The following IMMP2L variants were observed in gnomAD, a reference collection of about 807,000 sequenced individuals.
IMMP2L encodes the protein inner mitochondrial membrane peptidase subunit 2.
IMMP2L carries 18 observed loss-of-function variants against 19.3 expected under a neutral mutation model. The observed-to-expected ratio is 0.93, with a 90% CI of 0.64 to 1.38. IMMP2L has a LOEUF of 1.38. Ranked by LOEUF, IMMP2L falls within the 40% of genes most tolerant of loss-of-function variation. IMMP2L has a pLI of 0.00. For missense variants in IMMP2L, 233 were observed against 218.2 expected, an observed-to-expected ratio of 1.07 and a Z score of -0.43; for synonymous variants, 76 against 73.0, an observed-to-expected ratio of 1.04 and a Z score of -0.21.
chr7:110,816,482 C>A (rs1438830143), intron 5 of IMMP2L, among the ~76,000 whole-genome samples: 1 of 151,748 alleles, frequency 6.6e-6, no homozygotes, highest in Non-Finnish European at 1.5e-5. Flanking sequence ...TCTATTAGGT[C>A]TGCTTGGTGC....
At chr7:111,178,161 A>G (rs1276616103) in intron 3 of IMMP2L, among the ~76,000 whole-genome samples, 1 of 152,072 alleles carries the variant, frequency 6.6e-6, no homozygotes, top group East Asian at 1.9e-4. Context: ...CAATAAAATT[A>G]ATACAGCAAT....
At chr7:111,006,067 G>A (rs1467445353) in intron 3 of IMMP2L, among the ~76,000 whole-genome samples, 2 of 152,118 alleles carry the variant, frequency 1.3e-5, no homozygotes, top group African/African-American at 4.8e-5. Context: ...GGGCTCATCT[G>A]AGTCTGAGCC....
chr7:110,668,766 A>T (rs928715547), intron 5 of IMMP2L, among the ~76,000 whole-genome samples: 17 of 151,064 alleles, frequency 1.1e-4, no homozygotes, highest in Admixed American at 4.0e-4. Flanking sequence ...GGGAATGCAA[A>T]ATTCAGGGTT....
chr7:110,950,906 C>A (rs1817765024), intron 4 of IMMP2L, among the ~76,000 whole-genome samples: 1 of 115,806 alleles, frequency 8.6e-6, no homozygotes, highest in African/African-American at 4.0e-5. Flanking sequence ...TATATATATG[C>A]CAAATATATA....
intron 2 of IMMP2L, among the ~76,000 whole-genome samples, chr7:111,503,555 G>C: frequency 6.6e-6 from 1 of 152,082 alleles, no homozygotes; most frequent in African/African-American, 2.4e-5. Flanking sequence ...GATGAACATT[G>C]ATGCAAAAAT....
intron 3 of IMMP2L, among the ~76,000 whole-genome samples, chr7:111,436,379 A>G (rs1837165267): frequency 6.6e-6 from 1 of 151,820 alleles, no homozygotes; most frequent in South Asian, 2.1e-4. Flanking sequence ...AAAAAGGTAT[A>G]CTTTTAACCA....
At chr7:110,847,435 A>C (rs1271939553) in intron 5 of IMMP2L, among the ~76,000 whole-genome samples, 1 of 152,326 alleles carries the variant, frequency 6.6e-6, no homozygotes, top group African/African-American at 2.4e-5. Context: ...AGAAACTCAG[A>C]TAATACAGAA....
intron 2 of IMMP2L, among the ~76,000 whole-genome samples, chr7:111,493,587 C>A (rs1437985278): frequency 1.3e-5 from 2 of 152,002 alleles, no homozygotes; most frequent in Admixed American, 6.6e-5. Context: ...CGCCTGTAGT[C>A]CCAGCTACTC....
intron 4 of IMMP2L, among the ~76,000 whole-genome samples, chr7:110,939,577 CT>C (rs931312058): frequency 3.3e-4 from 50 of 152,240 alleles, no homozygotes; most frequent in African/African-American, 1.2e-3. Flanking sequence ...TGAAGCTCCC[CT>C]TCCTGAACCT....
At chr7:110,973,438 A>T (rs1820360316) in intron 3 of IMMP2L, among the ~76,000 whole-genome samples, 1 of 152,112 alleles carries the variant, frequency 6.6e-6, no homozygotes, top group Non-Finnish European at 1.5e-5. Context: ...GAAGCTAAAG[A>T]TTCTGACCTG....
At chr7:111,538,498 T>C (rs923776398) in intron 1 of IMMP2L, among the ~76,000 whole-genome samples, 3 of 151,842 alleles carry the variant, frequency 2.0e-5, no homozygotes, top group Non-Finnish European at 4.4e-5. Flanking sequence ...AGTATAAATA[T>C]ACACAGAAAG....
intron 3 of IMMP2L, among the ~76,000 whole-genome samples, chr7:111,018,581 A>T (rs1825940454): frequency 6.6e-6 from 1 of 152,144 alleles, no homozygotes; most frequent in African/African-American, 2.4e-5. Context: ...TGTTCTAAGT[A>T]TTTTGCATAA....
chr7:111,265,422 C>T (rs921306665), intron 3 of IMMP2L, among the ~76,000 whole-genome samples: 4 of 152,178 alleles, frequency 2.6e-5, no homozygotes, highest in African/African-American at 9.6e-5. Context: ...TTTAACAAAC[C>T]ATTTTGGAGC....
At chr7:111,494,566 C>T (rs1843419230) in intron 2 of IMMP2L, among the ~76,000 whole-genome samples, 1 of 152,178 alleles carries the variant, frequency 6.6e-6, no homozygotes, top group Non-Finnish European at 1.5e-5. Context: ...TTGCCCTAAA[C>T]ACAGAAAACT....
intron 5 of IMMP2L, among the ~76,000 whole-genome samples, chr7:110,706,109 T>C (rs1249738276): frequency 6.6e-6 from 1 of 152,100 alleles, no homozygotes; most frequent in South Asian, 2.1e-4. Context: ...CAAATGGTAG[T>C]ACTGTATTTT....
chr7:110,907,627 T>G (rs1271866452), intron 4 of IMMP2L, among the ~76,000 whole-genome samples: 1 of 152,180 alleles, frequency 6.6e-6, no homozygotes, highest in Non-Finnish European at 1.5e-5. Context: ...CACCCTCTTC[T>G]GCCCAGAATT....
intron 3 of IMMP2L, among the ~76,000 whole-genome samples, chr7:111,038,488 G>A (rs1404784552): frequency 6.6e-6 from 1 of 152,096 alleles, no homozygotes; most frequent in Admixed American, 6.5e-5. Flanking sequence ...AACTAGGTTA[G>A]CAAACTCACT....
intron 3 of IMMP2L, among the ~76,000 whole-genome samples, chr7:111,008,992 GT>G (rs1046812416): frequency 6.6e-6 from 1 of 151,958 alleles, no homozygotes; most frequent in African/African-American, 2.4e-5. Context: ...TACATTGATT[GT>G]TTTCAAATTT....
At chr7:110,894,936 C>T (rs887106122) in intron 4 of IMMP2L, among the ~76,000 whole-genome samples, 1 of 152,108 alleles carries the variant, frequency 6.6e-6, no homozygotes, top group African/African-American at 2.4e-5. Flanking sequence ...AAAAACTATT[C>T]TTTCTCCCTT....
Sources: allele counts gnomAD v4.1 joint callset (sites outside exome capture counted in the v4.1 genomes callset), GRCh38; gene constraint gnomAD v4.1.1; transcripts MANE v1.5; gene names NCBI Gene and HGNC (gene_info 2026-07-23, HGNC 2026-07-21).